Variants in PIK3CD observed in about 807,000 individuals in gnomAD.
PIK3CD encodes phosphatidylinositol 4,5-bisphosphate 3-kinase catalytic subunit delta isoform.
PIK3CD carries 20 observed loss-of-function variants against 122.9 expected under a neutral mutation model. That is an observed-to-expected ratio of 0.16 (90% CI 0.11 to 0.24). The LOEUF is 0.24. PIK3CD is among the 10% of genes least tolerant of loss of function. PIK3CD has a pLI of 1.00. For missense variants in PIK3CD, 787 were observed against 1,406.3 expected (o/e 0.56, Z 7.04); for synonymous variants, 596 against 593.4 (o/e 1.00, Z -0.06).
intron 1 of PIK3CD, among the ~76,000 whole-genome samples, chr1:9,667,168 A>T (rs1377372499): frequency 2.6e-5 from 4 of 151,754 alleles, no homozygotes; most frequent in Non-Finnish European, 5.9e-5. Context: ...CCAGCCAAAA[A>T]TTGTTTTTAA....
the PIK3CD span, among the ~76,000 whole-genome samples, chr1:9,629,240 G>A: frequency 2.0e-5 from 3 of 152,028 alleles, no homozygotes; most frequent in African/African-American, 7.2e-5. Flanking sequence ...TTGTGTTGGG[G>A]GTTGGTGCCC....
Position 9,720,874 on chromosome 1 carries a change from G to C in PIK3CD, c.1654G>C (p.Val552Leu). 2 of 1,605,632 alleles carry C rather than the reference G, an allele frequency of 1.2e-6. No individual in the cohort carries two copies. The highest frequency in any genetic ancestry group is 1.7e-6 in the Non-Finnish European group (2 of 1,176,350). Reference sequence around the variant, plus strand: ...GGAGGCGCTAGCCCGGCTGCTGCTGGTCACCAAGTGGAACAAGCATGAGGA... The same window carrying C: ...GGAGGCGCTAGCCCGGCTGCTGCTGCTCACCAAGTGGAACAAGCATGAGGA... ...FPEALARLLL[V>L]TKWNKHEDVA... Residue 552 changes from valine (V) to leucine (L), a missense_variant, in exon 13 of 24, where the codon GTC (valine) becomes CTC (leucine). Around this residue, in one of 6 missense-constraint regions of PIK3CD, gnomAD observed 592 missense variants for 920.6 expected, o/e 0.64. Transcript: ENST00000377346. This position sits in a 1 kb window ranked among gnomAD's most constrained non-coding sequence, Gnocchi z 9.0.
intron 2 of PIK3CD, among the ~76,000 whole-genome samples, chr1:9,692,711 C>T (rs1419579251): frequency 1.3e-5 from 2 of 152,180 alleles, no homozygotes; most frequent in Non-Finnish European, 2.9e-5. Context: ...GCCTGGGTGA[C>T]AGAGTGAGAC....
chr1:9,655,120 A>G (rs1042547949), intron 1 of PIK3CD, among the ~76,000 whole-genome samples: 3 of 151,686 alleles, frequency 2.0e-5, no homozygotes, highest in African/African-American at 7.3e-5. Flanking sequence ...GGCTTCAGCT[A>G]CTCCCCAGGG....
chr1:9,659,937 C>T (rs764485932), intron 1 of PIK3CD, among the ~76,000 whole-genome samples: 42 of 151,976 alleles, frequency 2.8e-4, no homozygotes, highest in Non-Finnish European at 5.0e-4. Flanking sequence ...TTTTTTGAGA[C>T]GGATTTTTGC....
rs1313370174 is a variant in PIK3CD, at chr1:9,718,150, T to C, written c.1020+524T>C. 4.3e-6 allele frequency: 2 copies of C among 463,296 alleles called. No homozygotes were observed. Among genetic ancestry groups the C allele is most frequent in the Admixed American group, 2.3e-5 (1 of 42,714 alleles). 28.7% of individuals were successfully genotyped at this position (463,296 alleles called of 1,614,324 possible). Reference sequence around the variant, plus strand: ...CTGTTTGCTGGACATGATACCTGAGTCCTCAGAGGTTGGCCCTCCTGCCTG... The same window carrying C: ...CTGTTTGCTGGACATGATACCTGAGCCCTCAGAGGTTGGCCCTCCTGCCTG... On this transcript the variant is annotated intron_variant, in intron 8 of 23. Transcript: ENST00000377346. The surrounding 1 kb of genome is among the most constrained non-coding windows in gnomAD (Gnocchi z 7.2).
At chr1:9,645,010 CTTTTCTTTTCTTTTCT>C in the PIK3CD span, among the ~76,000 whole-genome samples, 1 of 104,018 alleles carries the variant, frequency 9.6e-6, no homozygotes, top group South Asian at 4.0e-4. Context: ...TTTTTCTTTT[CTTTTCTTTTCTTTTCT>C]TTTTTTTTTT....
At chr1:9,638,499 G>A in the PIK3CD span, among the ~76,000 whole-genome samples, 277 of 151,992 alleles carry the variant, frequency 1.8e-3, no homozygotes, top group Middle Eastern at 6.8e-3. Context: ...TTGGGAGGCC[G>A]AGGCGGGCGG....
Position 9,718,942 on chromosome 1 carries a change from G to A in PIK3CD, c.1242+27G>A, listed in dbSNP as rs780375143. 34 of 1,601,620 alleles carry A rather than the reference G, an allele frequency of 2.1e-5. No individual in the cohort carries two copies. In the South Asian group the frequency reaches 2.6e-4, roughly 12 times the overall value. ...TGGGTCCCAGGGCCGGCTGGGAGGG[G>A]TGCAGACCCCGGAGAGCCAGTACAG... is the stretch of plus-strand genomic sequence containing the variant. On this transcript the variant is annotated intron_variant, in intron 9 of 23. Transcript: ENST00000377346. The surrounding 1 kb of genome is among the most constrained non-coding windows in gnomAD (Gnocchi z 7.2).
chr1:9,655,454 C>T (rs552727428), intron 1 of PIK3CD, among the ~76,000 whole-genome samples: 5 of 132,978 alleles, frequency 3.8e-5, no homozygotes, highest in Non-Finnish European at 8.1e-5. Flanking sequence ...CCGCCCCCCC[C>T]CCTTTTTTAT....
At position 9,704,719 on chromosome 1, in the gene PIK3CD, C is replaced by T. The variant is rs1037456281; in HGVS notation, c.-32-5705C>T. Among the ~76,000 whole-genome samples, 6 of 152,124 alleles carry T rather than the reference C, an allele frequency of 3.9e-5. No individual in the cohort carries two copies. Among genetic ancestry groups the T allele is most frequent in the African/African-American group, 9.7e-5 (4 of 41,440 alleles). ...GTAGAGACAGGGTTTTACCATGTTT[C>T]GCAGGCTGGTCACCAATGCCTGAGC... On this transcript the variant is annotated intron_variant, in intron 2 of 23. Transcript: ENST00000377346. This position sits in a 1 kb window ranked among gnomAD's most constrained non-coding sequence, Gnocchi z 5.0.
chr1:9,707,522 TCCAC>T (rs1646884731), intron 2 of PIK3CD, among the ~76,000 whole-genome samples: 1 of 151,990 alleles, frequency 6.6e-6, no homozygotes, highest in Admixed American at 6.6e-5. Flanking sequence ...ACTCCCACCC[TCCAC>T]CCTCAGGCCC....
intron 1 of PIK3CD, among the ~76,000 whole-genome samples, chr1:9,665,388 C>T (rs539488897): frequency 6.6e-6 from 1 of 151,746 alleles, no homozygotes; most frequent in East Asian, 1.9e-4. Flanking sequence ...TCACCCTCCC[C>T]TACTACAGGC....
chr1:9,690,094 C>A (rs1646144747), intron 1 of PIK3CD, among the ~76,000 whole-genome samples: 1 of 152,148 alleles, frequency 6.6e-6, no homozygotes, highest in Non-Finnish European at 1.5e-5. Context: ...TGTCGGGGAC[C>A]CAGCAGTGGC....
intron 1 of PIK3CD, among the ~76,000 whole-genome samples, chr1:9,671,080 C>T (rs909531447): frequency 1.3e-5 from 2 of 151,148 alleles, no homozygotes; most frequent in Admixed American, 6.6e-5. Context: ...TATTTAGAAA[C>T]GAGTCTCACT....
At chr1:9,716,884 G>A in intron 6 of PIK3CD, 75 bp from the exon 7 acceptor site, 2 of 1,600,796 alleles carry the variant, frequency 1.2e-6, no homozygotes, top group Admixed American at 3.3e-5. Context: ...GCAGCTTGGG[G>A]GGTCCTGGGA....
chr1:9,680,924 C>T (rs1287814252), intron 1 of PIK3CD: 1 of 152,174 alleles, frequency 6.6e-6, no homozygotes, highest in East Asian at 1.9e-4. Flanking sequence ...TGGTTCCGGT[C>T]CAGGGTCTCA....
At chr1:9,683,546 G>T (rs537078775) in intron 1 of PIK3CD, among the ~76,000 whole-genome samples, 246 of 152,254 alleles carry the variant, frequency 1.6e-3, no homozygotes, top group African/African-American at 5.6e-3. Context: ...GTGGTTCCAG[G>T]TGGGTTCTGA....
At chr1:9,708,472 T>C (rs1451116458) in intron 2 of PIK3CD, among the ~76,000 whole-genome samples, 1 of 151,306 alleles carries the variant, frequency 6.6e-6, no homozygotes, top group East Asian at 2.0e-4. Flanking sequence ...TAAGCCACCA[T>C]GCCTGACCAT....
Sources: allele counts gnomAD v4.1 joint callset (sites outside exome capture counted in the v4.1 genomes callset), GRCh38; gene constraint gnomAD v4.1.1; regional missense constraint gnomAD v4.1.1; non-coding constraint Gnocchi (gnomAD v3.1); transcripts MANE v1.5; gene names NCBI Gene and HGNC (gene_info 2026-07-23, HGNC 2026-07-21).